Variants in SUSD1 observed in about 807,000 individuals in gnomAD.
SUSD1 encodes the protein sushi domain-containing protein 1.
A neutral mutation model predicts 86.9 loss-of-function variants in SUSD1; 65 were observed. The observed-to-expected ratio is 0.75, with a 90% confidence interval of 0.61 to 0.92. SUSD1 has a LOEUF of 0.92. Ranked by LOEUF, SUSD1 falls within the 40% of genes least tolerant of loss-of-function variation. The pLI is 0.00. For synonymous variants in SUSD1, 346 were observed against 350.0 expected (o/e 0.99, Z 0.13); for missense variants, 850 against 929.7 (o/e 0.91, Z 1.11).
In SUSD1 at chr9:112,058,511, A is replaced by G. The variant is rs780350757; in HGVS notation, c.2026T>C (p.Tyr676His). The change falls in exon 14 of 17, where the codon TAC becomes CAC. Residue 676 changes from tyrosine (Y) to histidine (H), a missense_variant. Physicochemically the swap from Tyr to His is moderately conservative, Grantham distance 83. Transcript: ENST00000374270. ...AMEIPIGDRL[Y>H]YGEYYNAPLK... The stretch of plus-strand genomic sequence containing the variant: ...GGTGCATTATAATATTCCCCATAGT[A>G]CAGCCTGTCTCCTATAGGTATCTCC... 1.2e-6 allele frequency: 2 copies of G among 1,614,180 alleles called. No homozygotes were observed. Among genetic ancestry groups the G allele is most frequent in the Non-Finnish European group, 1.7e-6 (2 of 1,180,018 alleles).
At chr9:112,073,808 G>T (rs768963866) in intron 12 of SUSD1, among the ~76,000 whole-genome samples, 1 of 151,992 alleles carries the variant, frequency 6.6e-6, no homozygotes, top group Non-Finnish European at 1.5e-5. Flanking sequence ...CATGAGAATC[G>T]CTTGAACCTG....
chr9:112,142,169 C>T (rs1276925642), intron 5 of SUSD1, 151 bp downstream of exon 5: 1 of 628,592 alleles, frequency 1.6e-6, no homozygotes, highest in Non-Finnish European at 2.5e-6. Context: ...CCTGAAAAAT[C>T]AAGAAAATCA....
chr9:112,149,456 G>A, intron 2 of SUSD1, 57 bp from the exon 3 acceptor site: 2 of 1,583,746 alleles, frequency 1.3e-6, no homozygotes, highest in South Asian at 1.1e-5. Flanking sequence ...GACTTCAACA[G>A]CCCAGACTGT....
Position 112,149,262 on chromosome 9 carries a change from C to T in SUSD1, c.355G>A (p.Asp119Asn), listed in dbSNP as rs773269034. ...TGAGTACCTGTACAAAAGGTGCCAT[C>T]GTTGGGAATGAATGTCTTGTTGTTG... ...TNNNKTFIPN[D>N]GTFCTDIDEC... Residue 119 changes from aspartate to asparagine, a missense_variant, in exon 3 of 17, where the codon GAT (aspartate) becomes AAT (asparagine). Physicochemically the swap from Asp to Asn is conservative, Grantham distance 23. Transcript: ENST00000374270. 6.2e-7 allele frequency: 1 copy of T among 1,614,136 alleles called. No homozygotes were observed. Among genetic ancestry groups the T allele is most frequent in the Non-Finnish European group, 8.5e-7 (1 of 1,180,024 alleles).
chr9:112,084,021 T>A (rs536602612), intron 10 of SUSD1, among the ~76,000 whole-genome samples: 1 of 152,298 alleles, frequency 6.6e-6, no homozygotes, highest in African/African-American at 2.4e-5. Context: ...TAAATAGAAG[T>A]GACAGCACTA....
intron 6 of SUSD1, 77 bp downstream of exon 6, chr9:112,124,180 A>G: frequency 7.0e-7 from 1 of 1,429,124 alleles, no homozygotes; most frequent in South Asian, 1.4e-5. Flanking sequence ...TGAAGCAGCA[A>G]TCAGATAGTT....
chr9:112,166,803 G>C (rs755789950), intron 1 of SUSD1, among the ~76,000 whole-genome samples: 27 of 152,250 alleles, frequency 1.8e-4, no homozygotes, highest in Admixed American at 3.3e-4. Flanking sequence ...GTAACCGAGG[G>C]AATGACTGCA....
At chr9:112,142,795 C>G (rs10981276) in intron 4 of SUSD1, among the ~76,000 whole-genome samples, 1 of 151,980 alleles carries the variant, frequency 6.6e-6, no homozygotes, top group Non-Finnish European at 1.5e-5. Context: ...AATAAAAAAT[C>G]TGAATTGCAA....
chr9:112,104,406 GTAATAA>G (rs755836796), intron 8 of SUSD1, among the ~76,000 whole-genome samples: 2 of 151,440 alleles, frequency 1.3e-5, no homozygotes, highest in African/African-American at 4.9e-5. Context: ...AATAATAATA[GTAATAA>G]TAATAATAAT....
At chr9:112,097,548 C>T (rs1417548248) in intron 10 of SUSD1, among the ~76,000 whole-genome samples, 1 of 151,706 alleles carries the variant, frequency 6.6e-6, no homozygotes, top group African/African-American at 2.4e-5. Context: ...CAGGCACACA[C>T]CACCATGCCC....
chr9:112,107,254 C>CAAAAAAAAAAAAAAAAAAAAAAAAAAA (rs71382407), intron 8 of SUSD1, among the ~76,000 whole-genome samples: 2 of 66,198 alleles, frequency 3.0e-5, no homozygotes, highest in Non-Finnish European at 5.4e-5. Context: ...GACCATATCT[C>CAAAAAAAAAAAAAAAAAAAAAAAAAAA]AAAAAAAAAA....
chr9:112,163,777 T>C (rs1833666462), intron 1 of SUSD1, among the ~76,000 whole-genome samples: 2 of 152,144 alleles, frequency 1.3e-5, no homozygotes, highest in Non-Finnish European at 2.9e-5. Flanking sequence ...GCAGGGCAGA[T>C]CACTTGAGGC....
intron 14 of SUSD1, among the ~76,000 whole-genome samples, chr9:112,057,777 A>C (rs1828516225): frequency 6.6e-6 from 1 of 152,172 alleles, no homozygotes; most frequent in African/African-American, 2.4e-5. Context: ...GTATTAATAT[A>C]ATCCTTCTAG....
rs368926094 is a variant in SUSD1, at chr9:112,041,469, C to T, written c.*23G>A. ...CACCTGCCCAGCAGCAGTGCATCCT[C>T]CCCACTCAGTGTCCATCTGCCATCT... On this transcript the variant is annotated 3_prime_UTR_variant, in exon 17 of 17. Transcript: ENST00000374270. 2.4e-5 allele frequency: 19 copies of T among 780,936 alleles called. No individual in the cohort carries two copies. Among genetic ancestry groups the T allele is most frequent in the Non-Finnish European group, 4.3e-5 (18 of 418,126 alleles). 48.4% of individuals were successfully genotyped at this position (780,936 alleles called of 1,614,324 possible).
At chr9:112,098,709 TA>T in intron 9 of SUSD1, 47 bp from the exon 10 acceptor site, 1 of 1,573,592 alleles carries the variant, frequency 6.4e-7, no homozygotes, top group Non-Finnish European at 8.7e-7. Context: ...TTCCATTGAC[TA>T]ACAGGTGCCT....
At chr9:112,063,977 C>T (rs1828851528) in intron 12 of SUSD1, among the ~76,000 whole-genome samples, 1 of 145,030 alleles carries the variant, frequency 6.9e-6, no homozygotes, top group Non-Finnish European at 1.5e-5. Flanking sequence ...TCTATCCATC[C>T]CTGTGATTTG....
chr9:112,131,025 A>T (rs756919912), intron 5 of SUSD1, among the ~76,000 whole-genome samples: 8 of 152,138 alleles, frequency 5.3e-5, no homozygotes, highest in Admixed American at 1.3e-4. Flanking sequence ...TCCCAAAAAC[A>T]CAAAAACAAA....
chr9:112,081,917 T>C (rs1589626593), intron 10 of SUSD1, among the ~76,000 whole-genome samples: 2 of 152,222 alleles, frequency 1.3e-5, no homozygotes, highest in Non-Finnish European at 2.9e-5. Context: ...TAATATACTT[T>C]GTTAACTTGA....
At chr9:112,126,716 G>A (rs995795410) in intron 5 of SUSD1, among the ~76,000 whole-genome samples, 17 of 152,112 alleles carry the variant, frequency 1.1e-4, no homozygotes, top group African/African-American at 3.9e-4. Context: ...AAAAACGCAC[G>A]TGCTGGAGTC....
Sources: gnomAD v4.1 joint callset for allele counts (sites outside exome capture counted in the v4.1 genomes callset) on GRCh38, gnomAD v4.1.1 for gene constraint, MANE v1.5 for transcripts, NCBI Gene and HGNC (gene_info 2026-07-23, HGNC 2026-07-21) for gene names.